The following SPTLC3 variants were observed in gnomAD, a reference collection of about 807,000 sequenced individuals.
SPTLC3 encodes serine palmitoyltransferase long chain base subunit 3.
In SPTLC3, 36 loss-of-function variants were observed where a neutral mutation model predicts 59.3. The observed-to-expected ratio is 0.61, with a 90% CI of 0.47 to 0.80. The LOEUF (loss-of-function observed/expected upper bound fraction) is 0.80. SPTLC3 is among the 30% of genes least tolerant of loss of function. The pLI is 0.00. For synonymous variants in SPTLC3, 257 were observed against 240.8 expected, an observed-to-expected ratio of 1.07 and a Z score of -0.62; for missense variants, 625 against 685.1, an observed-to-expected ratio of 0.91 and a Z score of 0.98.
chr20:13,038,370 G>A (rs537609761), intron 1 of SPTLC3, among the ~76,000 whole-genome samples: 18 of 152,112 alleles, frequency 1.2e-4, no homozygotes, highest in African/African-American at 3.4e-4. Context: ...TCATTTTTAC[G>A]GGTCTATTCA....
At chr20:13,117,315 T>A (rs1990615236) in intron 7 of SPTLC3, among the ~76,000 whole-genome samples, 191 bp from the exon 8 acceptor site, 1 of 152,224 alleles carries the variant, frequency 6.6e-6, no homozygotes, top group Admixed American at 6.5e-5. Context: ...AATTATTTTA[T>A]CCAAGTAGCA....
At chr20:13,087,102 C>T (rs796880844) in intron 4 of SPTLC3, among the ~76,000 whole-genome samples, 2 of 152,216 alleles carry the variant, frequency 1.3e-5, no homozygotes, top group African/African-American at 4.8e-5. Flanking sequence ...AGCCTCCTCC[C>T]CGTCTTTAAG....
intron 9 of SPTLC3, among the ~76,000 whole-genome samples, chr20:13,135,821 C>A (rs1402944901): frequency 6.6e-6 from 1 of 152,192 alleles, no homozygotes; most frequent in Non-Finnish European, 1.5e-5. Flanking sequence ...ATCATAATGT[C>A]TCTGACTTAA....
intron 3 of SPTLC3, chr20:13,074,136 G>T: frequency 1.4e-6 from 1 of 727,684 alleles, no homozygotes; most frequent in East Asian, 2.7e-5. Context: ...CACTGGCTGA[G>T]GGGGTCTGGA....
chr20:13,136,006 G>T (rs2038233608), intron 9 of SPTLC3, among the ~76,000 whole-genome samples: 2 of 152,192 alleles, frequency 1.3e-5, no homozygotes, highest in African/African-American at 4.8e-5. Flanking sequence ...AAGAGAAAAG[G>T]TATACAGAAT....
chr20:13,091,101 A>G lies in SPTLC3; in HGVS notation c.626A>G (p.Lys209Arg), dbSNP rs1289548464. Residue 209 changes from lysine to arginine, a missense_variant, in exon 5 of 12, where the codon AAG (lysine) becomes AGG (arginine). Lys to Arg is a conservative substitution (Grantham distance 26). Transcript: ENST00000399002. ...RHEMGTLDKH[K>R]ELEDLVAKFL... is the part of the protein sequence containing the mutation. ...TGTGCAGGCACCTTGGATAAGCACA[A>G]GGAGTTGGAGGACCTTGTGGCTAAG... 5 of 1,614,004 alleles carry G rather than the reference A, an allele frequency of 3.1e-6. No homozygotes were observed. The highest frequency in any genetic ancestry group is 1.1e-5 in the South Asian group (1 of 91,078).
intron 1 of SPTLC3, among the ~76,000 whole-genome samples, chr20:13,037,408 G>A (rs6041788): frequency 0.14 from 21,406 of 152,108 alleles, 2,269 homozygotes; most frequent in African/African-American, 0.3. Flanking sequence ...AGTCTGCATC[G>A]CATAACAAAC....
chr20:13,156,881 G>T (rs1195305807), intron 10 of SPTLC3, among the ~76,000 whole-genome samples: 1 of 152,094 alleles, frequency 6.6e-6, no homozygotes, highest in Non-Finnish European at 1.5e-5. Flanking sequence ...ATTTTTGGTT[G>T]CATTACTCAA....
chr20:13,071,996 G>A (rs538172533), intron 2 of SPTLC3, among the ~76,000 whole-genome samples: 1 of 152,158 alleles, frequency 6.6e-6, no homozygotes, highest in Non-Finnish European at 1.5e-5. Flanking sequence ...CTGCAGGGAC[G>A]TGTTGTCTCC....
At position 13,124,784 on chromosome 20, in the gene SPTLC3, G is replaced by A. The variant is rs554911627; in HGVS notation, c.1153-1807G>A. ...CAACAATGCCCACACATACCTAAGA[G>A]AGATGGAAAAGTGATGGGCAGGGAC... On this transcript the variant is annotated intron_variant, in intron 8 of 11. Coordinates refer to ENST00000399002, the MANE Select transcript of SPTLC3 (RefSeq NM_018327.4). Among the ~76,000 whole-genome samples, 229 of 152,286 alleles carry A rather than the reference G, an allele frequency of 1.5e-3. 1 individual carries two copies. The highest frequency in any genetic ancestry group is 5.3e-3 in the African/African-American group (221 of 41,554).
chr20:13,052,681 C>T (rs1432023760), intron 2 of SPTLC3, among the ~76,000 whole-genome samples: 1 of 152,132 alleles, frequency 6.6e-6, no homozygotes. Context: ...CTGAAGTCAA[C>T]CTGGGACACT....
chr20:13,091,417 A>T (rs28645824), intron 5 of SPTLC3, among the ~76,000 whole-genome samples: 1 of 152,004 alleles, frequency 6.6e-6, no homozygotes, highest in Non-Finnish European at 1.5e-5. Context: ...TACTAAAAAT[A>T]AAAAAGTTAC....
At chr20:13,069,017 G>A (rs6041838) in intron 2 of SPTLC3, among the ~76,000 whole-genome samples, 60,639 of 151,894 alleles carry the variant, frequency 0.4, 12,258 homozygotes, top group Middle Eastern at 0.55. Context: ...AGTATTTTCC[G>A]ACCTTCTCTT....
At chr20:13,131,929 CT>C (rs1305615393) in intron 9 of SPTLC3, among the ~76,000 whole-genome samples, 2 of 152,118 alleles carry the variant, frequency 1.3e-5, no homozygotes, top group Admixed American at 1.3e-4. Flanking sequence ...CCTGCCACCC[CT>C]CCCCTCGCTC....
At chr20:13,066,984 C>T in intron 2 of SPTLC3, among the ~76,000 whole-genome samples, 1 of 106,810 alleles carries the variant, frequency 9.4e-6, no homozygotes, top group Non-Finnish European at 2.0e-5. Context: ...ATTTTTTGAA[C>T]TGTTTATCCT....
At chr20:13,019,662 G>A (rs2122381439) in intron 1 of SPTLC3, among the ~76,000 whole-genome samples, 1 of 152,260 alleles carries the variant, frequency 6.6e-6, no homozygotes, top group South Asian at 2.1e-4. Context: ...TTAGAGACCT[G>A]GTGATATTTA....
At chr20:13,160,196 T>A in intron 11 of SPTLC3, 64 bp downstream of exon 11, 1 of 1,521,244 alleles carries the variant, frequency 6.6e-7, no homozygotes, top group Non-Finnish European at 8.9e-7. Flanking sequence ...CAAGTCCTTT[T>A]GTTGAGACAG....
At chr20:13,115,720 C>A (rs748506184) in intron 7 of SPTLC3, among the ~76,000 whole-genome samples, 2 of 152,124 alleles carry the variant, frequency 1.3e-5, no homozygotes, top group African/African-American at 2.4e-5. Context: ...GGACTCGTTG[C>A]AACCATTTCC....
At chr20:13,143,002 T>C (rs765821244) in intron 9 of SPTLC3, among the ~76,000 whole-genome samples, 1 of 152,252 alleles carries the variant, frequency 6.6e-6, no homozygotes, top group Non-Finnish European at 1.5e-5. Flanking sequence ...ACTTCATTAC[T>C]GGTGAACATC....
Sources: allele counts gnomAD v4.1 joint callset (sites outside exome capture counted in the v4.1 genomes callset), GRCh38; gene constraint gnomAD v4.1.1; transcripts MANE v1.5; gene names NCBI Gene and HGNC (gene_info 2026-07-23, HGNC 2026-07-21).